Variants in ATRNL1 observed in about 807,000 individuals in gnomAD.
ATRNL1 encodes the protein attractin like 1.
In ATRNL1, 95 loss-of-function variants were observed where a neutral mutation model predicts 182.7. The observed-to-expected ratio is 0.52, with a 90% CI of 0.44 to 0.62. ATRNL1 has a LOEUF of 0.62. ATRNL1 is among the 20% of genes least tolerant of loss of function. ATRNL1 has a pLI of 0.00. For synonymous variants in ATRNL1, 576 were observed against 568.3 expected (o/e 1.01, Z -0.19); for missense variants, 1,471 against 1,679.5 (o/e 0.88, Z 2.17).
intron 1 of ATRNL1, among the ~76,000 whole-genome samples, chr10:115,111,967 A>G (rs1844274523): frequency 6.6e-6 from 1 of 152,126 alleles, no homozygotes; most frequent in South Asian, 2.1e-4. Flanking sequence ...GTCAGAATGC[A>G]TTTCCTGTGC....
chr10:115,206,644 C>G (rs1376478629), intron 8 of ATRNL1, among the ~76,000 whole-genome samples: 1 of 152,080 alleles, frequency 6.6e-6, no homozygotes, highest in East Asian at 1.9e-4. Context: ...TAACTTTCTC[C>G]TATTCTCTTT....
intron 10 of ATRNL1, among the ~76,000 whole-genome samples, chr10:115,242,687 C>G (rs957478822): frequency 2.6e-5 from 4 of 151,966 alleles, no homozygotes; most frequent in African/African-American, 4.8e-5. Context: ...AAAGAAAACT[C>G]TGACTATTAA....
intron 26 of ATRNL1, among the ~76,000 whole-genome samples, chr10:115,567,619 C>G (rs1854145993): frequency 6.6e-6 from 1 of 152,012 alleles, no homozygotes; most frequent in East Asian, 1.9e-4. Context: ...GTCTTTTACT[C>G]CAAAATTTTA....
At chr10:115,728,347 A>G (rs1035845563) in intron 27 of ATRNL1, among the ~76,000 whole-genome samples, 3 of 148,484 alleles carry the variant, frequency 2.0e-5, no homozygotes, top group Non-Finnish European at 3.0e-5. Flanking sequence ...ACAAATTATG[A>G]TTAATGACTA....
At chr10:115,332,374 T>C (rs1855268289) in intron 18 of ATRNL1, among the ~76,000 whole-genome samples, 1 of 152,208 alleles carries the variant, frequency 6.6e-6, no homozygotes, top group Non-Finnish European at 1.5e-5. Flanking sequence ...GTGTGAGTGG[T>C]TGTTCAAATT....
intron 19 of ATRNL1, among the ~76,000 whole-genome samples, chr10:115,353,928 A>G (rs1856385984): frequency 6.6e-6 from 1 of 152,062 alleles, no homozygotes; most frequent in African/African-American, 2.4e-5. Context: ...ATATCTTTTC[A>G]TATTGTCTAT....
At chr10:115,467,385 T>A in intron 23 of ATRNL1, 133 bp downstream of exon 23, 1 of 514,162 alleles carries the variant, frequency 1.9e-6, no homozygotes, top group South Asian at 4.0e-5. Flanking sequence ...CTGTTACTGG[T>A]AAAAATAATA....
intron 26 of ATRNL1, among the ~76,000 whole-genome samples, chr10:115,593,817 A>C (rs2133924202): frequency 6.6e-6 from 1 of 152,274 alleles, no homozygotes; most frequent in South Asian, 2.1e-4. Flanking sequence ...TTTGTTGTTT[A>C]AATTAAAATT....
At chr10:115,747,634 A>G (rs1948330834) in intron 27 of ATRNL1, among the ~76,000 whole-genome samples, 1 of 152,052 alleles carries the variant, frequency 6.6e-6, no homozygotes, top group Non-Finnish European at 1.5e-5. Context: ...CTGGAATGAC[A>G]GCCTTCTTTT....
In ATRNL1 at chr10:115,311,094, A is replaced by G. The variant is rs1400583576; in HGVS notation, c.2819-4424A>G. ...AAATCGTTCAGGAGCAGATTGTTAAATTTTCATGTATTTACATAGTTTTGA... is the reference window on the plus strand; with the variant it reads ...AAATCGTTCAGGAGCAGATTGTTAAGTTTTCATGTATTTACATAGTTTTGA... On this transcript the variant is annotated intron_variant, in intron 17 of 28. Coordinates refer to ENST00000355044, the MANE Select transcript of ATRNL1 (RefSeq NM_207303.4). 2.6e-5 allele frequency among the ~76,000 whole-genome samples: 4 copies of G among 151,690 alleles called. No individual in the cohort carries two copies. The East Asian group carries it at 5.8e-4, about 22-fold the overall frequency.
At chr10:115,209,223 C>T (rs891489521) in intron 8 of ATRNL1, among the ~76,000 whole-genome samples, 2 of 151,512 alleles carry the variant, frequency 1.3e-5, no homozygotes, top group South Asian at 4.1e-4. Flanking sequence ...ATATTTATTT[C>T]GCACTAAAAA....
intron 28 of ATRNL1, among the ~76,000 whole-genome samples, chr10:115,918,488 A>G (rs940273675): frequency 6.6e-6 from 1 of 152,368 alleles, no homozygotes; most frequent in South Asian, 2.1e-4. Flanking sequence ...TATAAGGTTA[A>G]GAAATTCCCA....
chr10:115,129,429 T>C lies in ATRNL1; in HGVS notation c.723T>C (p.Gly241=). 6.2e-7 allele frequency: 1 copy of C among 1,614,048 alleles called. No homozygotes were observed. Among genetic ancestry groups the C allele is most frequent in the Non-Finnish European group, 8.5e-7 (1 of 1,179,966 alleles). ...VYCECDKYWK[G]EACDIPYCKA... ...GTGAATGTGATAAATACTGGAAGGG[T>C]GAAGCTTGTGATATTCCTTACTGTA... Residue 241 remains glycine (G), a synonymous_variant, in exon 5 of 29, where the codon GGT becomes GGC. Coordinates refer to ENST00000355044, the MANE Select transcript of ATRNL1 (RefSeq NM_207303.4).
chr10:115,726,630 T>C (rs1947605154), intron 26 of ATRNL1, among the ~76,000 whole-genome samples: 1 of 152,218 alleles, frequency 6.6e-6, no homozygotes, highest in Non-Finnish European at 1.5e-5. Flanking sequence ...TAGAAGTCCT[T>C]GCACACAATT....
intron 21 of ATRNL1, among the ~76,000 whole-genome samples, chr10:115,426,935 G>T (rs955489753): frequency 2.6e-5 from 4 of 152,122 alleles, no homozygotes; most frequent in Middle Eastern, 3.2e-3. Flanking sequence ...ACGTTGGTCA[G>T]GCTGGTCTTG....
At chr10:115,426,758 C>G (rs1186269362) in intron 21 of ATRNL1, among the ~76,000 whole-genome samples, 1 of 152,110 alleles carries the variant, frequency 6.6e-6, no homozygotes, top group African/African-American at 2.4e-5. Flanking sequence ...GAGTCTTGCT[C>G]TTGTCGCCCA....
intron 27 of ATRNL1, among the ~76,000 whole-genome samples, chr10:115,736,700 A>T (rs574232086): frequency 4.7e-4 from 72 of 152,138 alleles, no homozygotes; most frequent in Non-Finnish European, 9.1e-4. Flanking sequence ...GCCTCTCTTT[A>T]TTCTGTAGTC....
intron 8 of ATRNL1, among the ~76,000 whole-genome samples, chr10:115,181,817 G>A (rs1348066827): frequency 2.6e-5 from 4 of 151,638 alleles, no homozygotes; most frequent in South Asian, 4.1e-4. Context: ...ATTGTAGTCC[G>A]CTTTTAGTTT....
intron 19 of ATRNL1, among the ~76,000 whole-genome samples, chr10:115,349,605 C>G (rs898475946): frequency 4.6e-5 from 7 of 152,126 alleles, no homozygotes; most frequent in Admixed American, 1.3e-4. Flanking sequence ...AGAGCATGCC[C>G]CTTTTTCTGC....
Sources: gnomAD v4.1 joint callset for allele counts (sites outside exome capture counted in the v4.1 genomes callset) on GRCh38, gnomAD v4.1.1 for gene constraint, MANE v1.5 for transcripts, NCBI Gene and HGNC (gene_info 2026-07-23, HGNC 2026-07-21) for gene names.